Variants in AGAP1 observed in about 807,000 individuals in gnomAD.
AGAP1 encodes arf-GAP with GTPase, ANK repeat and PH domain-containing protein 1.
A neutral mutation model predicts 105.3 loss-of-function variants in AGAP1; 29 were observed. That is an observed-to-expected ratio of 0.28 (90% CI 0.21 to 0.38). The LOEUF (loss-of-function observed/expected upper bound fraction) is 0.38, where lower values mean the gene tolerates loss of function less well. Among genes scored for constraint, AGAP1 ranks in the 10% least tolerant of loss-of-function variants. The pLI, the probability that AGAP1 is intolerant of heterozygous loss-of-function variation, is 1.00. For missense variants in AGAP1, 998 were observed against 1,165.1 expected, an observed-to-expected ratio of 0.86 and a Z score of 2.09; for synonymous variants, 509 against 485.9, an observed-to-expected ratio of 1.05 and a Z score of -0.63.
At position 235,740,888 on chromosome 2, in the gene AGAP1, A is replaced by C; in HGVS notation, c.311-75A>C. The C allele has an allele frequency of 6.3e-7, 1 of 1,588,128 alleles. No individual in the cohort carries two copies. On this transcript the variant is annotated intron_variant, in intron 3 of 17. Transcript: ENST00000304032. This position sits in a 1 kb window ranked among gnomAD's most constrained non-coding sequence, Gnocchi z 5.7. ...ACAGCCTAGGGTGTATTTTTCCACA[A>C]GCGAAGCCCACGTCTGTCTGCCCTC...
At chr2:235,909,166 G>A (rs1269065557) in intron 11 of AGAP1, among the ~76,000 whole-genome samples, 1 of 152,210 alleles carries the variant, frequency 6.6e-6, no homozygotes, top group Non-Finnish European at 1.5e-5. Flanking sequence ...ATAGTGGAAA[G>A]TGAAGTTAAC....
Position 235,977,295 on chromosome 2 carries a change from T to G in AGAP1, c.1645+8672T>G, listed in dbSNP as rs11886811. Among the ~76,000 whole-genome samples, 3,184 of 152,110 alleles carry G rather than the reference T, an allele frequency of 0.021. 109 individuals are homozygous for G. The highest frequency in any genetic ancestry group is 0.072 in the African/African-American group (2,999 of 41,478). ...TCTCAAAATGTTTGAGCTCTGAGGC[T>G]TTTCGGATGTCATTTAAGTCTCGGT... On this transcript the variant is annotated intron_variant, in intron 13 of 17. Coordinates refer to ENST00000304032, the MANE Select transcript of AGAP1 (RefSeq NM_001037131.3). This position sits in a 1 kb window ranked among gnomAD's most constrained non-coding sequence, Gnocchi z 5.2.
chr2:236,106,458 C>T (rs1293795143), intron 16 of AGAP1, among the ~76,000 whole-genome samples: 1 of 152,226 alleles, frequency 6.6e-6, no homozygotes, highest in African/African-American at 2.4e-5. Context: ...CTGTCGTGTG[C>T]GTGACTCGGC....
In AGAP1 at chr2:236,009,743, A is replaced by G. The variant is rs2056446279; in HGVS notation, c.1646-26818A>G. Among the ~76,000 whole-genome samples, 1 of 152,224 alleles carries G rather than the reference A, an allele frequency of 6.6e-6. No individual in the cohort carries two copies. The highest frequency in any genetic ancestry group is 1.5e-5 in the Non-Finnish European group (1 of 68,024). ...GATTCTGAGGGCTGCAGCGTGCCTCATTTAGCCGTCCCTGCTCGGTTCACG... is the reference window on the plus strand; with the variant it reads ...GATTCTGAGGGCTGCAGCGTGCCTCGTTTAGCCGTCCCTGCTCGGTTCACG... On this transcript the variant is annotated intron_variant, in intron 13 of 17. Transcript: ENST00000304032. The surrounding 1 kb of genome is among the most constrained non-coding windows in gnomAD (Gnocchi z 4.2).
Position 235,936,456 on chromosome 2 carries a change from A to T in AGAP1, c.1483+5533A>T, listed in dbSNP as rs2052992597. ...TTAAATGTCTTTTCTCATTATAAAA[A>T]TGTTTTGCACGTCGATTTTGATGAT... On this transcript the variant is annotated intron_variant, in intron 12 of 17. Coordinates refer to ENST00000304032, the MANE Select transcript of AGAP1 (RefSeq NM_001037131.3). This position sits in a 1 kb window ranked among gnomAD's most constrained non-coding sequence, Gnocchi z 4.7. Among the ~76,000 whole-genome samples, 2 of 152,212 alleles carry T rather than the reference A, an allele frequency of 1.3e-5. No homozygotes were observed. Among genetic ancestry groups the T allele is most frequent in the African/African-American group, 2.4e-5 (1 of 41,446 alleles).
intron 9 of AGAP1, among the ~76,000 whole-genome samples, chr2:235,826,959 C>T (rs1042496147): frequency 1.3e-5 from 2 of 152,136 alleles, no homozygotes; most frequent in Non-Finnish European, 2.9e-5. Flanking sequence ...AAAGTACCTG[C>T]ACTTTTCAGA....
Position 235,889,562 on chromosome 2 carries a change from T to TTA in AGAP1, c.1155+6113_1155+6114insTA, listed in dbSNP as rs2050431615. 6.7e-6 allele frequency among the ~76,000 whole-genome samples: 1 copy of TTA among 149,812 alleles called. No individual in the cohort carries two copies. The highest frequency in any genetic ancestry group is 1.5e-5 in the Non-Finnish European group (1 of 67,748). On this transcript the variant is annotated intron_variant, in intron 10 of 17. Coordinates refer to ENST00000304032, the MANE Select transcript of AGAP1 (RefSeq NM_001037131.3). The surrounding 1 kb of genome is among the most constrained non-coding windows in gnomAD (Gnocchi z 4.6). ...TGTCTTTGCCTTTTTTTTTTTTTTT[T>TTA]AGCCCTGAGCCCCAAGCTCAGTCCT... is the stretch of plus-strand genomic sequence containing the variant.
intron 1 of AGAP1, among the ~76,000 whole-genome samples, chr2:235,616,961 T>TA (rs397830317): frequency 1.3e-5 from 2 of 151,434 alleles, no homozygotes; most frequent in Non-Finnish European, 2.9e-5. Flanking sequence ...AAATTTTTTT[T>TA]ATTTTTTTTT....
Position 235,636,769 on chromosome 2 carries a change from G to A in AGAP1, c.164-72410G>A, listed in dbSNP as rs540161347. Among the ~76,000 whole-genome samples the A allele has an allele frequency of 7.9e-5, 12 of 152,254 alleles. No homozygotes were observed. The South Asian group carries it at 2.1e-3, about 26-fold the overall frequency. On this transcript the variant is annotated intron_variant, in intron 1 of 17. Transcript: ENST00000304032. ...CGTCTCTCAGAATGGAAATAAGGTC[G>A]TCGCAGATGTAATTATTTAGGATGA...
intron 3 of AGAP1, among the ~76,000 whole-genome samples, chr2:235,730,271 C>T (rs116112296): frequency 0.015 from 2,304 of 152,108 alleles, 37 homozygotes; most frequent in Non-Finnish European, 0.021. Context: ...GTGCCCGTGT[C>T]GGCAGCCGAG....
At chr2:236,110,991 C>A (rs1018716197) in intron 16 of AGAP1, among the ~76,000 whole-genome samples, 2 of 152,152 alleles carry the variant, frequency 1.3e-5, no homozygotes, top group African/African-American at 4.8e-5. Context: ...ATAGAAGAGG[C>A]AAACCAGCCC....
At chr2:235,802,914 A>ATGC (rs1957592442) in intron 8 of AGAP1, among the ~76,000 whole-genome samples, 3 of 109,294 alleles carry the variant, frequency 2.7e-5, no homozygotes, top group East Asian at 3.3e-4. Flanking sequence ...TGATGGTGTG[A>ATGC]TGGTTGTGGT....
At chr2:235,699,767 G>A (rs975711014) in intron 1 of AGAP1, among the ~76,000 whole-genome samples, 1 of 152,204 alleles carries the variant, frequency 6.6e-6, no homozygotes, top group African/African-American at 2.4e-5. Context: ...ACCAGCATTC[G>A]CAGTGGGGGT....
At chr2:235,827,311 A>G (rs1575567054) in intron 9 of AGAP1, among the ~76,000 whole-genome samples, 2 of 152,264 alleles carry the variant, frequency 1.3e-5, no homozygotes, top group Middle Eastern at 6.8e-3. Flanking sequence ...CTGAGGTTTC[A>G]GGGCTTTGAC....
chr2:236,130,421 TGA>T lies in AGAP1; in HGVS notation c.*6301_*6302del, dbSNP rs1559307606. On this transcript the variant is annotated 3_prime_UTR_variant, in exon 18 of 18. Coordinates refer to ENST00000304032, the MANE Select transcript of AGAP1 (RefSeq NM_001037131.3). This position sits in a 1 kb window ranked among gnomAD's most constrained non-coding sequence, Gnocchi z 5.8. ...TGAAAGAAAGGAACCAAACAAGGCA[TGA>T]GTGTGTTGGGGAATCTTCCCAGTGG... 2.0e-5 allele frequency: 3 copies of T among 152,164 alleles called. No homozygotes were observed. The allele number at this position is 152,164 out of a possible 1,614,324, so 9.4% of individuals were successfully genotyped here. A position where few individuals can be genotyped will look rare whatever the true frequency, so the allele number is the denominator to read the frequency against.
rs778753536 is a variant in AGAP1, at chr2:235,582,459, G to A, written c.163+87610G>A. 4.6e-5 allele frequency among the ~76,000 whole-genome samples: 7 copies of A among 152,146 alleles called. No homozygotes were observed. Among genetic ancestry groups the A allele is most frequent in the Non-Finnish European group, 8.8e-5 (6 of 68,038 alleles). ...CATGGGTGTCCCCTTAGACATCATG[G>A]GAGCTCATTGCATTGATGAAGCCCT... On this transcript the variant is annotated intron_variant, in intron 1 of 17. Transcript: ENST00000304032. The surrounding 1 kb of genome is among the most constrained non-coding windows in gnomAD (Gnocchi z 4.7).
intron 13 of AGAP1, among the ~76,000 whole-genome samples, chr2:235,969,580 T>G (rs1319287167): frequency 1.3e-4 from 20 of 152,168 alleles, no homozygotes; most frequent in Admixed American, 1.3e-3. Context: ...TTTTTCCAGA[T>G]ACTCTACTTG....
chr2:235,885,553 T>C (rs2050236675), intron 10 of AGAP1, among the ~76,000 whole-genome samples: 1 of 152,220 alleles, frequency 6.6e-6, no homozygotes, highest in African/African-American at 2.4e-5. Flanking sequence ...AGAAAGGTTG[T>C]ATCAGTTTAT....
chr2:236,023,372 T>C (rs2056946958), intron 13 of AGAP1, among the ~76,000 whole-genome samples: 1 of 152,198 alleles, frequency 6.6e-6, no homozygotes, highest in Non-Finnish European at 1.5e-5. Flanking sequence ...AGTCCGTCGA[T>C]GGCAGGATGG....
Sources: gnomAD v4.1 joint callset for allele counts (sites outside exome capture counted in the v4.1 genomes callset) on GRCh38, gnomAD v4.1.1 for gene constraint, Gnocchi (gnomAD v3.1) non-coding constraint, MANE v1.5 for transcripts, NCBI Gene and HGNC (gene_info 2026-07-23, HGNC 2026-07-21) for gene names.